AP2M1: variants seen among roughly 807,000 people sequenced by gnomAD.
AP2M1 encodes adaptor related protein complex 2 subunit mu 1, also known as AP-2 complex subunit mu.
In AP2M1, 5 loss-of-function variants were observed where a neutral mutation model predicts 54.5. The observed-to-expected ratio is 0.09, with a 90% confidence interval of 0.05 to 0.19. AP2M1 has a LOEUF of 0.19. Ranked by LOEUF, AP2M1 falls within the 10% of genes least tolerant of loss-of-function variation. The pLI is 1.00. For missense variants in AP2M1, 178 were observed against 580.2 expected (o/e 0.31, Z 7.12); for synonymous variants, 186 against 208.2 (o/e 0.89, Z 0.92).
chr3:184,183,354 G>C lies in AP2M1; in HGVS notation c.1174-128G>C. 2 of 1,442,392 alleles carry C rather than the reference G, an allele frequency of 1.4e-6. No homozygotes were observed. The highest frequency in any genetic ancestry group is 9.4e-7 in the Non-Finnish European group (1 of 1,066,730). 89.3% of individuals were successfully genotyped at this position (1,442,392 alleles called of 1,614,324 possible). A position where few individuals can be genotyped will look rare whatever the true frequency, so the allele number is the denominator to read the frequency against. ...TCTTAGAAGGTCCCACGCCGCCCCA[G>C]CTTCTTTCAGGACCCCAGCCATACA... is the stretch of plus-strand genomic sequence containing the variant. On this transcript the variant is annotated intron_variant, in intron 11 of 11. Coordinates refer to ENST00000292807, the MANE Select transcript of AP2M1 (RefSeq NM_004068.4). The surrounding 1 kb of genome is among the most constrained non-coding windows in gnomAD (Gnocchi z 5.7).
Position 184,182,646 on chromosome 3 carries a change from T to C in AP2M1, c.1062-111T>C. On this transcript the variant is annotated intron_variant, in intron 10 of 11. Transcript: ENST00000292807. This position sits in a 1 kb window ranked among gnomAD's most constrained non-coding sequence, Gnocchi z 5.5. ...TAGCAGGGTCCTGACCACTTCTCCT[T>C]GTTCTGGCACCTCCTGCAAGCTCCT... 1.2e-6 allele frequency: 1 copy of C among 863,492 alleles called. No homozygotes were observed. Among genetic ancestry groups the C allele is most frequent in the East Asian group, 2.6e-5 (1 of 38,200 alleles). The allele number at this position is 863,492 out of a possible 1,614,324, so 53.5% of individuals were successfully genotyped here. A position where few individuals can be genotyped will look rare whatever the true frequency, so the allele number is the denominator to read the frequency against.
chr3:184,177,890 G>C, intron 2 of AP2M1: 1 of 594,336 alleles, frequency 1.7e-6, no homozygotes, highest in Non-Finnish European at 3.0e-6. Context: ...CTCTTCATTT[G>C]GCTCCCTGGC....
Position 184,178,687 on chromosome 3 carries a change from G to A in AP2M1, c.75-170G>A, listed in dbSNP as rs920508005. ...AGGCACTCTTCCCATGCCTCCACAG[G>A]GAGTCATAAGAAGGGAACCACTCCA... On this transcript the variant is annotated intron_variant, in intron 2 of 11. Coordinates refer to ENST00000292807, the MANE Select transcript of AP2M1 (RefSeq NM_004068.4). This position sits in a 1 kb window ranked among gnomAD's most constrained non-coding sequence, Gnocchi z 4.9. Among the ~76,000 whole-genome samples, 1 of 152,178 alleles carries A rather than the reference G, an allele frequency of 6.6e-6. No homozygotes were observed. Among genetic ancestry groups the A allele is most frequent in the Non-Finnish European group, 1.5e-5 (1 of 68,040 alleles).
At position 184,183,375 on chromosome 3, in the gene AP2M1, A is replaced by T; in HGVS notation, c.1174-107A>T. 6.5e-7 allele frequency: 1 copy of T among 1,526,900 alleles called. No individual in the cohort carries two copies. Among genetic ancestry groups the T allele is most frequent in the Non-Finnish European group, 8.8e-7 (1 of 1,131,822 alleles). 94.6% of individuals were successfully genotyped at this position (1,526,900 alleles called of 1,614,324 possible). On this transcript the variant is annotated intron_variant, in intron 11 of 11. Transcript: ENST00000292807. This position sits in a 1 kb window ranked among gnomAD's most constrained non-coding sequence, Gnocchi z 5.7. ...CCCAGCTTCTTTCAGGACCCCAGCCATACAAACACCTGTAGTAGCGATGAA... is the reference window on the plus strand; with the variant it reads ...CCCAGCTTCTTTCAGGACCCCAGCCTTACAAACACCTGTAGTAGCGATGAA...
In AP2M1 at chr3:184,180,039, A is replaced by G; in HGVS notation, c.341-130A>G. On this transcript the variant is annotated intron_variant, in intron 3 of 11. Transcript: ENST00000292807. The surrounding 1 kb of genome is among the most constrained non-coding windows in gnomAD (Gnocchi z 4.9). The stretch of plus-strand genomic sequence containing the variant: ...ACAAATCACAGAATAAATGCTACAA[A>G]GCTAGAAGACTTTCTTGCGGATGAT... 1.3e-6 allele frequency: 1 copy of G among 753,944 alleles called. No homozygotes were observed. Among genetic ancestry groups the G allele is most frequent in the Non-Finnish European group, 2.2e-6 (1 of 450,482 alleles). The allele number at this position is 753,944 out of a possible 1,614,324, so 46.7% of individuals were successfully genotyped here. A position where few individuals can be genotyped will look rare whatever the true frequency, so the allele number is the denominator to read the frequency against.
At position 184,183,380 on chromosome 3, in the gene AP2M1, A is replaced by G. The variant is rs1470988890; in HGVS notation, c.1174-102A>G. On this transcript the variant is annotated intron_variant, in intron 11 of 11. Coordinates refer to ENST00000292807, the MANE Select transcript of AP2M1 (RefSeq NM_004068.4). The surrounding 1 kb of genome is among the most constrained non-coding windows in gnomAD (Gnocchi z 5.7). ...CTTCTTTCAGGACCCCAGCCATACAAACACCTGTAGTAGCGATGAAGTAGG... is the reference window on the plus strand; with the variant it reads ...CTTCTTTCAGGACCCCAGCCATACAGACACCTGTAGTAGCGATGAAGTAGG... The G allele has an allele frequency of 6.5e-7, 1 of 1,535,048 alleles. No individual in the cohort carries two copies. Among genetic ancestry groups the G allele is most frequent in the African/African-American group, 1.4e-5 (1 of 72,372 alleles).
chr3:184,179,482 G>A (rs1466495654), intron 3 of AP2M1: 2 of 283,934 alleles, frequency 7.0e-6, no homozygotes, highest in Non-Finnish European at 1.4e-5. Flanking sequence ...TCAGAGCCTG[G>A]GGGAGAGTGA....
chr3:184,179,360 A>G lies in AP2M1; in HGVS notation c.340+238A>G, dbSNP rs779871253. 26 of 541,848 alleles carry G rather than the reference A, an allele frequency of 4.8e-5. 1 individual carries two copies. In the South Asian group the frequency reaches 5.8e-4, roughly 12 times the overall value. 33.6% of individuals were successfully genotyped at this position (541,848 alleles called of 1,614,324 possible). On this transcript the variant is annotated intron_variant, in intron 3 of 11. Coordinates refer to ENST00000292807, the MANE Select transcript of AP2M1 (RefSeq NM_004068.4). ...CCAGCAGGTGATCTTCCAAGGGGCT[A>G]GGAACCTGACTCAGGTTTGGTGGCT...
In AP2M1 at chr3:184,183,692, A is replaced by C; in HGVS notation, c.*76A>C. 1 of 1,498,060 alleles carries C rather than the reference A, an allele frequency of 6.7e-7. No individual in the cohort carries two copies. Among genetic ancestry groups the C allele is most frequent in the Non-Finnish European group, 9.2e-7 (1 of 1,092,754 alleles). 92.8% of individuals were successfully genotyped at this position (1,498,060 alleles called of 1,614,324 possible). The stretch of plus-strand genomic sequence containing the variant: ...CAGGTGCCGCTCCCTCCCCCACCAC[A>C]CATCAGTGTCTCCTCCCTCCTGCTT... On this transcript the variant is annotated 3_prime_UTR_variant, in exon 12 of 12. Transcript: ENST00000292807. This position sits in a 1 kb window ranked among gnomAD's most constrained non-coding sequence, Gnocchi z 5.7.
chr3:184,181,380 C>A lies in AP2M1; in HGVS notation c.707+154C>A. 3 of 1,188,426 alleles carry A rather than the reference C, an allele frequency of 2.5e-6. No homozygotes were observed. Among genetic ancestry groups the A allele is most frequent in the East Asian group, 2.5e-5 (1 of 40,420 alleles). The allele number at this position is 1,188,426 out of a possible 1,614,324, so 73.6% of individuals were successfully genotyped here. On this transcript the variant is annotated intron_variant, in intron 7 of 11. Coordinates refer to ENST00000292807, the MANE Select transcript of AP2M1 (RefSeq NM_004068.4). This position sits in a 1 kb window ranked among gnomAD's most constrained non-coding sequence, Gnocchi z 5.7. ...TGGCTGTTCGCTCTTGACATTAGTG[C>A]TACGAGAGATGAGGGGATCGTCCTC...
At chr3:184,179,373 A>G in intron 3 of AP2M1, 1 of 516,440 alleles carries the variant, frequency 1.9e-6, no homozygotes, top group Non-Finnish European at 3.5e-6. Context: ...AACCTGACTC[A>G]GGTTTGGTGG....
chr3:184,176,632 G>C (rs1715082294), intron 1 of AP2M1: 1 of 354,544 alleles, frequency 2.8e-6, no homozygotes, highest in African/African-American at 2.1e-5. Context: ...GTCTGCACAG[G>C]AGGGGGCCGA....
rs372570685 is a variant in AP2M1, at chr3:184,180,255, C to A, written c.423+4C>A. 108 of 1,613,958 alleles carry A rather than the reference C, an allele frequency of 6.7e-5. No individual in the cohort carries two copies. The highest frequency in any genetic ancestry group is 1.6e-4 in the Middle Eastern group (1 of 6,074). ...GCAGCAGGGCATCAAGAGTCAGGTA[C>A]TTGAATTGTGCAGACTATAGTCAGG... is the stretch of plus-strand genomic sequence containing the variant. On this transcript the variant is annotated splice_donor_region_variant and intron_variant, in intron 4 of 11. Coordinates refer to ENST00000292807, the MANE Select transcript of AP2M1 (RefSeq NM_004068.4). This position sits in a 1 kb window ranked among gnomAD's most constrained non-coding sequence, Gnocchi z 4.9.
At chr3:184,177,197 C>T in intron 2 of AP2M1, 130 bp downstream of exon 2, 1 of 925,976 alleles carries the variant, frequency 1.1e-6, no homozygotes, top group African/African-American at 1.7e-5. Flanking sequence ...CCTGGAAGCT[C>T]AGCTAGTGTA....
chr3:184,180,389 C>A lies in AP2M1; in HGVS notation c.423+138C>A. ...TGGCCTGAGCCTCCTGCCATGATTGCAGGCCGATTTTGCTCTGTGTGGTCC... is the reference window on the plus strand; with the variant it reads ...TGGCCTGAGCCTCCTGCCATGATTGAAGGCCGATTTTGCTCTGTGTGGTCC... On this transcript the variant is annotated intron_variant, in intron 4 of 11. Coordinates refer to ENST00000292807, the MANE Select transcript of AP2M1 (RefSeq NM_004068.4). This position sits in a 1 kb window ranked among gnomAD's most constrained non-coding sequence, Gnocchi z 4.9. 2 of 1,199,036 alleles carry A rather than the reference C, an allele frequency of 1.7e-6. No individual in the cohort carries two copies. Among genetic ancestry groups the A allele is most frequent in the Non-Finnish European group, 2.3e-6 (2 of 851,664 alleles). The allele number at this position is 1,199,036 out of a possible 1,614,324, so 74.3% of individuals were successfully genotyped here. A position where few individuals can be genotyped will look rare whatever the true frequency, so the allele number is the denominator to read the frequency against.
In AP2M1 at chr3:184,182,964, A is replaced by G. The variant is rs777860540; in HGVS notation, c.1173+96A>G. 1.1e-5 allele frequency: 11 copies of G among 1,014,344 alleles called. No homozygotes were observed. The South Asian group carries it at 1.2e-4, about 11-fold the overall frequency. The allele number at this position is 1,014,344 out of a possible 1,614,324, so 62.8% of individuals were successfully genotyped here. A position where few individuals can be genotyped will look rare whatever the true frequency, so the allele number is the denominator to read the frequency against. ...ACTGCTGCACCTTAGAGGTGAGGAA[A>G]CTGAGGCCTAGAAAGAAGAACTGGC... On this transcript the variant is annotated intron_variant, in intron 11 of 11. Coordinates refer to ENST00000292807, the MANE Select transcript of AP2M1 (RefSeq NM_004068.4). This position sits in a 1 kb window ranked among gnomAD's most constrained non-coding sequence, Gnocchi z 5.5.
At position 184,178,775 on chromosome 3, in the gene AP2M1, G is replaced by A. The variant is rs1715170737; in HGVS notation, c.75-82G>A. On this transcript the variant is annotated intron_variant, in intron 2 of 11. Transcript: ENST00000292807. The surrounding 1 kb of genome is among the most constrained non-coding windows in gnomAD (Gnocchi z 4.9). Reference sequence around the variant, plus strand: ...CAGACTTCTGCAGAAAGGAGGGTGGGGCTGTTAGCAGCTGTGGTTGATCCT... The same window carrying A: ...CAGACTTCTGCAGAAAGGAGGGTGGAGCTGTTAGCAGCTGTGGTTGATCCT... The A allele has an allele frequency of 6.5e-7, 1 of 1,527,652 alleles. No individual in the cohort carries two copies. The highest frequency in any genetic ancestry group is 1.4e-5 in the African/African-American group (1 of 73,378). 94.6% of individuals were successfully genotyped at this position (1,527,652 alleles called of 1,614,324 possible).
Position 184,181,320 on chromosome 3 carries a change from A to T in AP2M1, c.707+94A>T. ...CAAGTTTCTTCTGGATTTCATTCCC[A>T]CTGTAATTGCAAACTCTGTTCCTGA... On this transcript the variant is annotated intron_variant, in intron 7 of 11. Coordinates refer to ENST00000292807, the MANE Select transcript of AP2M1 (RefSeq NM_004068.4). This position sits in a 1 kb window ranked among gnomAD's most constrained non-coding sequence, Gnocchi z 5.7. 14 of 1,555,600 alleles carry T rather than the reference A, an allele frequency of 9.0e-6. No individual in the cohort carries two copies. The highest frequency in any genetic ancestry group is 1.2e-5 in the Non-Finnish European group (14 of 1,140,098).
In AP2M1 at chr3:184,183,375, A is replaced by G. The variant is rs1715336838; in HGVS notation, c.1174-107A>G. The G allele has an allele frequency of 1.3e-6, 2 of 1,526,900 alleles. No homozygotes were observed. The highest frequency in any genetic ancestry group is 1.4e-5 in the African/African-American group (1 of 72,240). 94.6% of individuals were successfully genotyped at this position (1,526,900 alleles called of 1,614,324 possible). On this transcript the variant is annotated intron_variant, in intron 11 of 11. Transcript: ENST00000292807. This position sits in a 1 kb window ranked among gnomAD's most constrained non-coding sequence, Gnocchi z 5.7. ...CCCAGCTTCTTTCAGGACCCCAGCC[A>G]TACAAACACCTGTAGTAGCGATGAA...
Sources: gnomAD v4.1 joint callset for allele counts (sites outside exome capture counted in the v4.1 genomes callset) on GRCh38, gnomAD v4.1.1 for gene constraint, Gnocchi (gnomAD v3.1) non-coding constraint, MANE v1.5 for transcripts, NCBI Gene and HGNC (gene_info 2026-07-23, HGNC 2026-07-21) for gene names.